The following ARHGEF10L variants were observed in gnomAD, a reference collection of about 807,000 sequenced individuals.
The protein encoded by ARHGEF10L is Rho guanine nucleotide exchange factor 10 like.
In ARHGEF10L, 69 loss-of-function variants were observed where a neutral mutation model predicts 141.2. The observed-to-expected ratio is 0.49, with a 90% CI of 0.40 to 0.60. The LOEUF (loss-of-function observed/expected upper bound fraction) is 0.60. Ranked by LOEUF, ARHGEF10L falls within the 20% of genes least tolerant of loss-of-function variation. The pLI, the probability that ARHGEF10L is intolerant of heterozygous loss-of-function variation, is 0.00. For synonymous variants in ARHGEF10L, 711 were observed against 718.5 expected (o/e 0.99, Z 0.17); for missense variants, 1,482 against 1,734.3 (o/e 0.85, Z 2.58).
rs946401700 is a variant in ARHGEF10L at position 17,638,105 on chromosome 1, C to T, written c.2043+102C>T. The stretch of plus-strand genomic sequence containing the variant: ...GAGGGGCTCCTCTCCTGGCCCATGT[C>T]CCCGATGTGCTCCTAGCTTCTGAGC... On this transcript the variant is annotated intron_variant, in intron 19 of 28. Coordinates refer to ENST00000361221, the MANE Select transcript of ARHGEF10L (RefSeq NM_018125.4). 4.9e-6 allele frequency: 5 copies of T among 1,022,626 alleles called. No individual in the cohort carries two copies. The African/African-American group carries it at 6.6e-5, about 13-fold the overall frequency. The allele number at this position is 1,022,626 out of a possible 1,614,324, so 63.3% of individuals were successfully genotyped here.
At chr1:17,549,507 G>C (rs989637289) in intron 1 of ARHGEF10L, among the ~76,000 whole-genome samples, 3 of 152,162 alleles carry the variant, frequency 2.0e-5, no homozygotes, top group African/African-American at 7.2e-5. Context: ...CAGGTGGTCA[G>C]GGAGGCCTCT....
At chr1:17,536,063 T>C (rs2076571602), upstream of ARHGEF10L, among the ~76,000 whole-genome samples, 9 of 152,234 alleles carry the variant, frequency 5.9e-5, 1 homozygote, top group South Asian at 1.9e-3. Context: ...GTGCTGTTTA[T>C]GTTGACAGCA....
intron 27 of ARHGEF10L, chr1:17,694,794 T>C: frequency 2.5e-6 from 1 of 399,162 alleles, no homozygotes; most frequent in South Asian, 2.0e-5. Context: ...GCTGGCTGGC[T>C]GGATCCCTGC....
At chr1:17,646,902 A>C (rs2061637854) in intron 21 of ARHGEF10L, among the ~76,000 whole-genome samples, 1 of 151,698 alleles carries the variant, frequency 6.6e-6, no homozygotes, top group African/African-American at 2.4e-5. Flanking sequence ...GAGAGTTTGG[A>C]TCTTATTCTG....
intron 27 of ARHGEF10L, among the ~76,000 whole-genome samples, chr1:17,692,293 A>G (rs1427116755): frequency 6.6e-6 from 1 of 152,016 alleles, no homozygotes; most frequent in East Asian, 1.9e-4. Flanking sequence ...CAGGGACGCT[A>G]TGAATGTGAT....
intron 2 of ARHGEF10L, among the ~76,000 whole-genome samples, chr1:17,585,020 G>A (rs948706817): frequency 6.6e-6 from 1 of 151,942 alleles, no homozygotes; most frequent in Non-Finnish European, 1.5e-5. Context: ...ATTTTATTTG[G>A]TATTATAATA....
At chr1:17,675,555 G>A (rs145854553) in intron 26 of ARHGEF10L, among the ~76,000 whole-genome samples, 105 of 150,432 alleles carry the variant, frequency 7.0e-4, no homozygotes, top group Non-Finnish European at 4.1e-4. Context: ...GCAGGTGTGC[G>A]TGCAGATGTG....
intron 25 of ARHGEF10L, among the ~76,000 whole-genome samples, chr1:17,659,556 G>A (rs2062479088): frequency 6.6e-6 from 1 of 152,202 alleles, no homozygotes; most frequent in Non-Finnish European, 1.5e-5. Context: ...CAGAGCCAGG[G>A]CTTGGAACTG....
At chr1:17,624,092 G>C (rs2060251804) in intron 12 of ARHGEF10L, among the ~76,000 whole-genome samples, 1 of 152,204 alleles carries the variant, frequency 6.6e-6, no homozygotes, top group Non-Finnish European at 1.5e-5. Flanking sequence ...TGTGGGCTTG[G>C]GCTGCTGCAC....
At chr1:17,602,043 T>A (rs2080730561) in intron 4 of ARHGEF10L, 84 bp from the exon 5 acceptor site, 1 of 1,287,830 alleles carries the variant, frequency 7.8e-7, no homozygotes, top group East Asian at 2.6e-5. Flanking sequence ...TTGCCCATCA[T>A]GTCCCGCTGA....
In ARHGEF10L at chr1:17,654,498, G is replaced by T; in HGVS notation, c.2395-138G>T. 1.3e-6 allele frequency: 1 copy of T among 776,114 alleles called. No homozygotes were observed. The highest frequency in any genetic ancestry group is 2.3e-6 in the Non-Finnish European group (1 of 431,336). The allele number at this position is 776,114 out of a possible 1,614,324, so 48.1% of individuals were successfully genotyped here. The stretch of plus-strand genomic sequence containing the variant: ...ACTGCCTGGAGAAGCAGGCACTCGT[G>T]AAGCATGTTGCTTTCCTGGCCCCCA... On this transcript the variant is annotated intron_variant, in intron 22 of 28. Transcript: ENST00000361221. The surrounding 1 kb of genome is among the most constrained non-coding windows in gnomAD (Gnocchi z 4.3).
At chr1:17,561,753 T>C (rs2077553502) in intron 1 of ARHGEF10L, among the ~76,000 whole-genome samples, 1 of 152,184 alleles carries the variant, frequency 6.6e-6, no homozygotes, top group Non-Finnish European at 1.5e-5. Context: ...CACTTTTTGT[T>C]TTCCTTTCTT....
At position 17,638,639 on chromosome 1, in the gene ARHGEF10L, C is replaced by T. The variant is rs1297303160; in HGVS notation, c.2121C>T (p.His707=). ...TGCGGGTGAAGGAGGAAGAGATCCACTCGGCCAACAAGTGCCGTCTCAGGC... is the reference window on the plus strand; with the variant it reads ...TGCGGGTGAAGGAGGAAGAGATCCATTCGGCCAACAAGTGCCGTCTCAGGC... The part of the protein sequence containing the change: ...RLMRVKEEEI[H]SANKCRLRLL... The change falls in exon 20 of 29, where the codon CAC becomes CAT. Residue 707 remains histidine (H), a synonymous_variant. Transcript: ENST00000361221. 6.2e-7 allele frequency: 1 copy of T among 1,614,054 alleles called. No individual in the cohort carries two copies. Among genetic ancestry groups the T allele is most frequent in the African/African-American group, 1.3e-5 (1 of 74,930 alleles).
In ARHGEF10L at chr1:17,575,433, C is replaced by T. The variant is rs142715514; in HGVS notation, c.-43-5120C>T. 3.4e-3 allele frequency among the ~76,000 whole-genome samples: 525 copies of T among 152,360 alleles called. 4 individuals are homozygous for T. The highest frequency in any genetic ancestry group is 0.012 in the African/African-American group (499 of 41,580). ...GTTTTGATGACTGAACAGGAATTTG[C>T]TTGCTGGTTGTGAGAGAGAATTCCA... is the stretch of plus-strand genomic sequence containing the variant. On this transcript the variant is annotated intron_variant, in intron 1 of 28. Coordinates refer to ENST00000361221, the MANE Select transcript of ARHGEF10L (RefSeq NM_018125.4).
rs2060470064 is a variant in ARHGEF10L, at chr1:17,627,857, C to G, written c.1584+354C>G. 6.6e-6 allele frequency among the ~76,000 whole-genome samples: 1 copy of G among 152,084 alleles called. No homozygotes were observed. On this transcript the variant is annotated intron_variant, in intron 15 of 28. Transcript: ENST00000361221. The surrounding 1 kb of genome is among the most constrained non-coding windows in gnomAD (Gnocchi z 4.0). ...GTGTGCCCTCAAGGGAATCACCCAC[C>G]CTCTCTGAACCTCACTTGCTCCCTT...
At chr1:17,581,586 G>C (rs2078571392) in intron 2 of ARHGEF10L, among the ~76,000 whole-genome samples, 1 of 152,096 alleles carries the variant, frequency 6.6e-6, no homozygotes, top group African/African-American at 2.4e-5. Context: ...TTTGTCCTCA[G>C]CCCCATCTGA....
intron 4 of ARHGEF10L, among the ~76,000 whole-genome samples, chr1:17,593,598 G>A (rs968673152): frequency 3.1e-4 from 47 of 152,156 alleles, no homozygotes; most frequent in African/African-American, 1.1e-3. Flanking sequence ...GGCTTCTCGA[G>A]GCTGGAAAAG....
At chr1:17,580,376 C>T (rs941615950) in intron 1 of ARHGEF10L, among the ~76,000 whole-genome samples, 177 bp from the exon 2 acceptor site, 2 of 152,180 alleles carry the variant, frequency 1.3e-5, no homozygotes, top group African/African-American at 4.8e-5. Flanking sequence ...TGCACAGCTG[C>T]TGATGTTTCT....
chr1:17,695,033 C>A, intron 27 of ARHGEF10L, 125 bp from the exon 28 acceptor site: 1 of 1,436,776 alleles, frequency 7.0e-7, no homozygotes, highest in Non-Finnish European at 9.7e-7. Flanking sequence ...CCCCACCCCA[C>A]CGCCCAACTT....
Sources: allele counts gnomAD v4.1 joint callset (sites outside exome capture counted in the v4.1 genomes callset), GRCh38; gene constraint gnomAD v4.1.1; non-coding constraint Gnocchi (gnomAD v3.1); transcripts MANE v1.5; gene names NCBI Gene and HGNC (gene_info 2026-07-23, HGNC 2026-07-21).